Variants in EHD1 observed in about 807,000 individuals in gnomAD.
The protein encoded by EHD1 is EH domain containing 1.
A neutral mutation model predicts 39.0 loss-of-function variants in EHD1; 19 were observed. The observed-to-expected ratio is 0.49, with a 90% CI of 0.34 to 0.72. The LOEUF (loss-of-function observed/expected upper bound fraction) is 0.72. Ranked by LOEUF, EHD1 falls within the 30% of genes least tolerant of loss-of-function variation. EHD1 has a pLI of 0.01. For synonymous variants in EHD1, 323 were observed against 331.2 expected, an observed-to-expected ratio of 0.98 and a Z score of 0.27; for missense variants, 542 against 751.5, an observed-to-expected ratio of 0.72 and a Z score of 3.26.
chr11:64,866,749 C>T (rs181707017), intron 2 of EHD1, among the ~76,000 whole-genome samples: 1 of 152,048 alleles, frequency 6.6e-6, no homozygotes, highest in Admixed American at 6.5e-5. Context: ...ATGAAATAAT[C>T]TATACACCAA....
At chr11:64,855,548 C>T (rs1943642112) in intron 3 of EHD1, 62 bp from the exon 4 acceptor site, 12 of 1,601,860 alleles carry the variant, frequency 7.5e-6, no homozygotes, top group Non-Finnish European at 9.3e-6. Context: ...AGAGCAGAGC[C>T]TCCAAGGACA....
chr11:64,874,888 T>A (rs118101921), intron 1 of EHD1, among the ~76,000 whole-genome samples: 1 of 152,344 alleles, frequency 6.6e-6, no homozygotes, highest in Non-Finnish European at 1.5e-5. Context: ...AAATCCCATC[T>A]CAGAATCCTC....
chr11:64,878,792 C>T (rs187633803), upstream of EHD1: 2,239 of 1,217,848 alleles, frequency 1.8e-3, 37 homozygotes, highest in African/African-American at 0.029. Context: ...TGGCTGATTC[C>T]AAATCTCGCG....
intron 1 of EHD1, among the ~76,000 whole-genome samples, chr11:64,875,332 C>CT (rs1943873653): frequency 1.3e-5 from 2 of 152,206 alleles, no homozygotes; most frequent in Admixed American, 6.5e-5. Flanking sequence ...AGGCAGATCA[C>CT]TTGAGGTCAG....
At chr11:64,877,173 G>GGC (rs1943893897) in intron 1 of EHD1, among the ~76,000 whole-genome samples, 1 of 152,190 alleles carries the variant, frequency 6.6e-6, no homozygotes, top group Admixed American at 6.5e-5. Flanking sequence ...GGTTGGGACG[G>GGC]GCATGTCTCG....
At chr11:64,855,899 CCACG>C (rs1389087110) in intron 3 of EHD1, 2 of 155,776 alleles carry the variant, frequency 1.3e-5, no homozygotes, top group East Asian at 1.9e-4. Context: ...TCAACCCTCA[CCACG>C]CATCACACAC....
At chr11:64,864,713 C>T (rs888153316) in intron 2 of EHD1, among the ~76,000 whole-genome samples, 2 of 152,272 alleles carry the variant, frequency 1.3e-5, no homozygotes, top group African/African-American at 4.8e-5. Flanking sequence ...CCGCCACAAG[C>T]TGAAACTAGA....
At chr11:64,870,650 GGAAC>G (rs1943818825) in intron 2 of EHD1, among the ~76,000 whole-genome samples, 1 of 152,240 alleles carries the variant, frequency 6.6e-6, no homozygotes, top group Non-Finnish European at 1.5e-5. Flanking sequence ...ACCATGGTGG[GGAAC>G]GAACGAACTG....
intron 2 of EHD1, among the ~76,000 whole-genome samples, chr11:64,867,208 C>T (rs943299639): frequency 2.0e-5 from 3 of 152,130 alleles, no homozygotes; most frequent in Admixed American, 6.5e-5. Flanking sequence ...CACCTGAGGT[C>T]AGGAGTTCGA....
chr11:64,854,214 G>C lies in EHD1; in HGVS notation c.*119C>G, dbSNP rs1346711027. On this transcript the variant is annotated 3_prime_UTR_variant, in exon 5 of 5. Transcript: ENST00000320631. ...AAGAAAGATGGTGGTTTTCCTTTTCGAGAGGCGAGGAAACATCCGCTCAGT... is the reference window on the plus strand; with the variant it reads ...AAGAAAGATGGTGGTTTTCCTTTTCCAGAGGCGAGGAAACATCCGCTCAGT... 2 of 1,423,946 alleles carry C rather than the reference G, an allele frequency of 1.4e-6. No individual in the cohort carries two copies. Among genetic ancestry groups the C allele is most frequent in the Non-Finnish European group, 9.2e-7 (1 of 1,087,312 alleles). 88.2% of individuals were successfully genotyped at this position (1,423,946 alleles called of 1,614,324 possible). A position where few individuals can be genotyped will look rare whatever the true frequency, so the allele number is the denominator to read the frequency against.
rs1344462005 is a variant in EHD1 at position 64,854,206 on chromosome 11, T to C, written c.*127A>G. The C allele has an allele frequency of 1.4e-6, 2 of 1,415,748 alleles. No individual in the cohort carries two copies. The highest frequency in any genetic ancestry group is 2.9e-5 in the African/African-American group (2 of 69,248). The allele number at this position is 1,415,748 out of a possible 1,614,324, so 87.7% of individuals were successfully genotyped here. A position where few individuals can be genotyped will look rare whatever the true frequency, so the allele number is the denominator to read the frequency against. On this transcript the variant is annotated 3_prime_UTR_variant, in exon 5 of 5. Coordinates refer to ENST00000320631, the MANE Select transcript of EHD1 (RefSeq NM_006795.4). The stretch of plus-strand genomic sequence containing the variant: ...AGCCTTAAAAGAAAGATGGTGGTTT[T>C]CCTTTTCGAGAGGCGAGGAAACATC...
At chr11:64,875,443 C>T (rs1376454171) in intron 1 of EHD1, among the ~76,000 whole-genome samples, 3 of 152,124 alleles carry the variant, frequency 2.0e-5, no homozygotes, top group Admixed American at 1.3e-4. Flanking sequence ...CCCAGCTACT[C>T]GGCAGGCTGA....
intron 2 of EHD1, among the ~76,000 whole-genome samples, chr11:64,869,790 G>A (rs1943808072): frequency 6.6e-6 from 1 of 152,214 alleles, no homozygotes; most frequent in Admixed American, 6.5e-5. Context: ...AGCATTTGAT[G>A]GTCTTCGGAG....
chr11:64,864,108 C>T (rs1434676309), intron 2 of EHD1, among the ~76,000 whole-genome samples: 1 of 152,258 alleles, frequency 6.6e-6, no homozygotes, highest in Admixed American at 6.5e-5. Flanking sequence ...AGGTGATGTG[C>T]GGCCGTTCCC....
rs543277864 is a variant in EHD1, at chr11:64,868,025, G to A, written c.502+6396C>T. Among the ~76,000 whole-genome samples the A allele has an allele frequency of 3.6e-3, 550 of 152,304 alleles. 4 individuals are homozygous for A. Among genetic ancestry groups the A allele is most frequent in the Non-Finnish European group, 4.0e-3 (275 of 68,022 alleles). ...TGAGAACAGCTGGACCATGTTTCCC[G>A]CCAGCACAGAAGGGGAAGAGGGAGG... On this transcript the variant is annotated intron_variant, in intron 2 of 4. Transcript: ENST00000320631. This position sits in a 1 kb window ranked among gnomAD's most constrained non-coding sequence, Gnocchi z 4.2.
chr11:64,878,785 C>T (rs1012560607), upstream of EHD1: 2 of 1,232,626 alleles, frequency 1.6e-6, no homozygotes, highest in East Asian at 3.6e-5. Flanking sequence ...CCCCCATTGG[C>T]TGATTCCAAA....
intron 2 of EHD1, among the ~76,000 whole-genome samples, chr11:64,861,654 A>G (rs1943718008): frequency 6.6e-6 from 1 of 152,066 alleles, no homozygotes; most frequent in Non-Finnish European, 1.5e-5. Context: ...AGCCATGCTC[A>G]TTTGTATTAT....
intron 2 of EHD1, among the ~76,000 whole-genome samples, chr11:64,871,389 C>T (rs747443594): frequency 4.6e-5 from 7 of 152,286 alleles, no homozygotes; most frequent in African/African-American, 1.4e-4. Flanking sequence ...GACTGACGGG[C>T]GGGGCCTCCA....
rs561599800 is a variant in EHD1 at position 64,861,906 on chromosome 11, A to T, written c.503-1570T>A. Among the ~76,000 whole-genome samples, 82 of 152,146 alleles carry T rather than the reference A, an allele frequency of 5.4e-4. 2 individuals are homozygous for T. Among genetic ancestry groups the T allele is most frequent in the Middle Eastern group, 3.4e-3 (1 of 294 alleles). ...TAAGCTCCATATTCTTTTTAAAAAA[A>T]TTTTATATTCATTTTTTTAGAGACA... On this transcript the variant is annotated intron_variant, in intron 2 of 4. Coordinates refer to ENST00000320631, the MANE Select transcript of EHD1 (RefSeq NM_006795.4).
Sources: gnomAD v4.1 joint callset for allele counts (sites outside exome capture counted in the v4.1 genomes callset) on GRCh38, gnomAD v4.1.1 for gene constraint, Gnocchi (gnomAD v3.1) non-coding constraint, MANE v1.5 for transcripts, NCBI Gene and HGNC (gene_info 2026-07-23, HGNC 2026-07-21) for gene names.